ADGRL3: variants seen among roughly 807,000 people sequenced by gnomAD.
ADGRL3 encodes adhesion G protein-coupled receptor L3, also known as calcium-independent alpha-latrotoxin receptor 3.
Under a neutral mutation model 153.5 loss-of-function variants are expected in ADGRL3, and 62 were observed. That is an observed-to-expected ratio of 0.40 (90% CI 0.33 to 0.50). The LOEUF is 0.50. Ranked by LOEUF, ADGRL3 falls within the 20% of genes least tolerant of loss-of-function variation. The pLI is 0.47. For synonymous variants in ADGRL3, 710 were observed against 672.5 expected, an observed-to-expected ratio of 1.06 and a Z score of -0.86; for missense variants, 1,641 against 1,859.4, an observed-to-expected ratio of 0.88 and a Z score of 2.16.
intron 23 of ADGRL3, among the ~76,000 whole-genome samples, chr4:62,034,061 C>T (rs1723638256): frequency 6.6e-6 from 1 of 151,678 alleles, no homozygotes; most frequent in South Asian, 2.1e-4. Flanking sequence ...GATTTTACAT[C>T]TCAAGACCCT....
intron 9 of ADGRL3, among the ~76,000 whole-genome samples, chr4:61,892,206 C>G (rs1324054485): frequency 6.7e-6 from 1 of 148,912 alleles, no homozygotes; most frequent in East Asian, 2.0e-4. Flanking sequence ...GTCCTCTCAC[C>G]TATTTGCTGC....
chr4:61,666,036 C>G (rs939846897), intron 5 of ADGRL3, among the ~76,000 whole-genome samples: 1 of 152,208 alleles, frequency 6.6e-6, no homozygotes, highest in Admixed American at 6.5e-5. Context: ...TACTACTGCA[C>G]TCTTCAAAAA....
chr4:61,612,191 A>T (rs1235291629), intron 5 of ADGRL3, among the ~76,000 whole-genome samples: 1 of 152,178 alleles, frequency 6.6e-6, no homozygotes, highest in East Asian at 1.9e-4. Context: ...CTTATGATGA[A>T]TGCTTCAGAA....
intron 26 of ADGRL3, 137 bp downstream of exon 26, chr4:62,068,320 T>G (rs1250389876): frequency 3.2e-6 from 2 of 621,768 alleles, no homozygotes; most frequent in Non-Finnish European, 5.1e-6. Context: ...ATGAATCGAC[T>G]TATATAAATA....
At chr4:61,845,932 T>G (rs2098111923) in intron 9 of ADGRL3, among the ~76,000 whole-genome samples, 1 of 152,234 alleles carries the variant, frequency 6.6e-6, no homozygotes, top group Non-Finnish European at 1.5e-5. Flanking sequence ...TAGTATTTAG[T>G]AGAATTTTAT....
chr4:61,673,904 A>G (rs1497895), intron 5 of ADGRL3, among the ~76,000 whole-genome samples: 149,939 of 151,018 alleles, frequency 0.99, 74,449 homozygotes, highest in Middle Eastern at 1. Context: ...TGATGATAAT[A>G]ACTATAAATA....
At chr4:61,836,349 A>G (rs1044225062) in intron 9 of ADGRL3, among the ~76,000 whole-genome samples, 1 of 152,192 alleles carries the variant, frequency 6.6e-6, no homozygotes, top group African/African-American at 2.4e-5. Context: ...TTGGGACAAA[A>G]ATTATTGAAA....
At chr4:61,203,877 T>G (rs1735942667) in intron 1 of ADGRL3, among the ~76,000 whole-genome samples, 1 of 150,866 alleles carries the variant, frequency 6.6e-6, no homozygotes, top group Non-Finnish European at 1.5e-5. Context: ...AGAGGATATT[T>G]GTGTGTTGAA....
chr4:61,506,210 G>T (rs760680900), intron 3 of ADGRL3, among the ~76,000 whole-genome samples: 1 of 151,938 alleles, frequency 6.6e-6, no homozygotes, highest in Admixed American at 6.6e-5. Context: ...ATAAAATAAT[G>T]TATAAAAAGG....
intron 8 of ADGRL3, among the ~76,000 whole-genome samples, chr4:61,784,361 A>G (rs1314589131): frequency 6.6e-6 from 1 of 152,028 alleles, no homozygotes; most frequent in Non-Finnish European, 1.5e-5. Context: ...GAAATGTGAG[A>G]CTCTGCTTGA....
At chr4:61,490,211 T>A (rs1285128009) in intron 2 of ADGRL3, among the ~76,000 whole-genome samples, 4 of 152,142 alleles carry the variant, frequency 2.6e-5, no homozygotes, top group Non-Finnish European at 5.9e-5. Flanking sequence ...CTCTCACAGA[T>A]CTTCCAGATC....
At chr4:61,242,188 T>A (rs1357105934) in intron 1 of ADGRL3, among the ~76,000 whole-genome samples, 3 of 152,036 alleles carry the variant, frequency 2.0e-5, no homozygotes, top group Non-Finnish European at 4.4e-5. Context: ...TGATTGTATT[T>A]GCTTGATCAT....
chr4:61,228,433 T>C (rs763848647), intron 1 of ADGRL3, among the ~76,000 whole-genome samples: 3 of 152,218 alleles, frequency 2.0e-5, no homozygotes, highest in African/African-American at 7.2e-5. Context: ...TTCCATATTC[T>C]AATTTGATGT....
At chr4:61,846,558 TC>T (rs1359807290) in intron 9 of ADGRL3, among the ~76,000 whole-genome samples, 2 of 152,150 alleles carry the variant, frequency 1.3e-5, no homozygotes, top group African/African-American at 2.4e-5. Flanking sequence ...TAAAAAACCT[TC>T]CACATAAATA....
chr4:61,214,216 AG>A (rs2148902141), intron 1 of ADGRL3, among the ~76,000 whole-genome samples: 1 of 152,316 alleles, frequency 6.6e-6, no homozygotes, highest in Admixed American at 6.5e-5. Flanking sequence ...ATTTAAGTAA[AG>A]CTATGCCTCA....
chr4:61,391,895 T>C (rs1439744655), intron 2 of ADGRL3, among the ~76,000 whole-genome samples: 3 of 144,116 alleles, frequency 2.1e-5, no homozygotes, highest in Non-Finnish European at 3.0e-5. Flanking sequence ...AGTCTGGCTC[T>C]GTCACCCAGG....
chr4:61,869,846 G>A lies in ADGRL3; in HGVS notation c.1481-22810G>A, dbSNP rs142147141. 9.6e-3 allele frequency among the ~76,000 whole-genome samples: 1,438 copies of A among 149,608 alleles called. 9 individuals carry two copies. The highest frequency in any genetic ancestry group is 0.017 in the Middle Eastern group (5 of 290). The stretch of plus-strand genomic sequence containing the variant: ...CCAGCTACTCCGGAAGCTGAGACAG[G>A]AGGATCGCTTGAATCCAGGAGGCGG... On this transcript the variant is annotated intron_variant, in intron 9 of 26. Transcript: ENST00000683033.
intron 8 of ADGRL3, among the ~76,000 whole-genome samples, chr4:61,779,490 C>T (rs781314789): frequency 1.1e-4 from 17 of 151,494 alleles, no homozygotes; most frequent in Admixed American, 4.6e-4. Context: ...AAAAATTAGC[C>T]GGGCATGGTG....
chr4:61,883,232 C>T (rs1561411445), intron 9 of ADGRL3, among the ~76,000 whole-genome samples: 1 of 152,160 alleles, frequency 6.6e-6, no homozygotes, highest in African/African-American at 2.4e-5. Context: ...TAATATAATG[C>T]ATGTTTTTAC....
Sources: gnomAD v4.1 joint callset for allele counts (sites outside exome capture counted in the v4.1 genomes callset) on GRCh38, gnomAD v4.1.1 for gene constraint, MANE v1.5 for transcripts, NCBI Gene and HGNC (gene_info 2026-07-23, HGNC 2026-07-21) for gene names.